The following SOX30 variants were observed in gnomAD, a reference collection of about 807,000 sequenced individuals.
SOX30 encodes SRY-box transcription factor 30.
A neutral mutation model predicts 58.6 loss-of-function variants in SOX30; 17 were observed. That is an observed-to-expected ratio of 0.29 (90% CI 0.20 to 0.44). The LOEUF (loss-of-function observed/expected upper bound fraction) is 0.44, where lower values mean the gene tolerates loss of function less well. SOX30 is among the 20% of genes least tolerant of loss of function. The pLI is 1.00. For missense variants in SOX30, 951 were observed against 965.8 expected (o/e 0.98, Z 0.20); for synonymous variants, 421 against 400.2 (o/e 1.05, Z -0.62).
chr5:157,631,285 T>C (rs1426039004), intron 4 of SOX30, among the ~76,000 whole-genome samples: 2 of 151,502 alleles, frequency 1.3e-5, no homozygotes, highest in Non-Finnish European at 2.9e-5. Flanking sequence ...TAAAAATAGT[T>C]TTCACCACTT....
At position 157,652,052 on chromosome 5, in the gene SOX30, C is replaced by A; in HGVS notation, c.27G>T (p.Pro9=). The A allele has an allele frequency of 1.4e-6, 2 of 1,421,174 alleles. No homozygotes were observed. Among genetic ancestry groups the A allele is most frequent in the Non-Finnish European group, 1.8e-6 (2 of 1,096,114 alleles). 88.0% of individuals were successfully genotyped at this position (1,421,174 alleles called of 1,614,324 possible). ...CGGGACGCAACGGGCGCGGCTGAGGCGGCGGCTCGGGTCTGGCTCTCTCCA... is the reference window on the plus strand; with the variant it reads ...CGGGACGCAACGGGCGCGGCTGAGGAGGCGGCTCGGGTCTGGCTCTCTCCA... MERARPEP[P]PQPRPLRPAP... Residue 9 remains proline (P), a synonymous_variant, in exon 1 of 5, where the codon CCG becomes CCT. Transcript: ENST00000265007.
At chr5:157,629,692 A>G (rs906422013) in intron 4 of SOX30, among the ~76,000 whole-genome samples, 1 of 152,244 alleles carries the variant, frequency 6.6e-6, no homozygotes, top group East Asian at 1.9e-4. Context: ...CAAGGAGTGT[A>G]TATGTTATTT....
In SOX30 at chr5:157,638,218, A is replaced by G; in HGVS notation, c.1880+12T>C. ...GAATGTTTAGGTAAAAGGAAAAAAA[A>G]TGTTAATTTACCTTGATGGGAAGTA... On this transcript the variant is annotated intron_variant, in intron 4 of 4. Coordinates refer to ENST00000265007, the MANE Select transcript of SOX30 (RefSeq NM_178424.2). 1 of 1,508,046 alleles carries G rather than the reference A, an allele frequency of 6.6e-7. No individual in the cohort carries two copies. The highest frequency in any genetic ancestry group is 8.9e-7 in the Non-Finnish European group (1 of 1,128,302). The allele number at this position is 1,508,046 out of a possible 1,614,324, so 93.4% of individuals were successfully genotyped here. A position where few individuals can be genotyped will look rare whatever the true frequency, so the allele number is the denominator to read the frequency against.
At chr5:157,647,781 G>T (rs1015176165) in intron 2 of SOX30, among the ~76,000 whole-genome samples, 5 of 151,294 alleles carry the variant, frequency 3.3e-5, no homozygotes, top group Non-Finnish European at 7.4e-5. Context: ...GGATGGTCTT[G>T]ATCTCCTGAC....
At chr5:157,642,669 TAACAACAAC>T (rs555046481) in intron 3 of SOX30, among the ~76,000 whole-genome samples, 1 of 151,534 alleles carries the variant, frequency 6.6e-6, no homozygotes, top group Non-Finnish European at 1.5e-5. Context: ...ATAACAAAAA[TAACAACAAC>T]AACAACAACA....
chr5:157,644,930 G>A (rs1278000357), intron 3 of SOX30, among the ~76,000 whole-genome samples: 1 of 152,166 alleles, frequency 6.6e-6, no homozygotes, highest in African/African-American at 2.4e-5. Flanking sequence ...GCAGTGAGCC[G>A]AGATCGCGCC....
chr5:157,651,494 C>A lies in SOX30; in HGVS notation c.585G>T (p.Ser195=). Residue 195 remains serine, a synonymous_variant, in exon 1 of 5, where the codon TCG becomes TCT. Coordinates refer to ENST00000265007, the MANE Select transcript of SOX30 (RefSeq NM_178424.2). ...GGCTTTTGCCTGCCCCGCCTTGCAT[C>A]GAGTCTCTCATGACCTCCTCCGCCT... The part of the protein sequence containing the change: ...KLEAEEVMRD[S]MQGGAGKSPA... 6.2e-7 allele frequency: 1 copy of A among 1,613,416 alleles called. No individual in the cohort carries two copies. The highest frequency in any genetic ancestry group is 8.5e-7 in the Non-Finnish European group (1 of 1,180,004).
chr5:157,654,828 T>A (rs1759440550), upstream of SOX30, among the ~76,000 whole-genome samples: 2 of 152,194 alleles, frequency 1.3e-5, no homozygotes, highest in African/African-American at 2.4e-5. Flanking sequence ...CACTGCAATG[T>A]CAGGAAGTTA....
upstream of SOX30, among the ~76,000 whole-genome samples, chr5:157,656,735 T>C (rs113459575): frequency 6.6e-6 from 1 of 152,250 alleles, no homozygotes; most frequent in East Asian, 1.9e-4. Flanking sequence ...TCATTAGAAG[T>C]CATGAGAATG....
chr5:157,665,600 AAAAAT>A (rs367549924), intron 2 of SOX30, among the ~76,000 whole-genome samples: 13,889 of 148,986 alleles, frequency 0.093, 770 homozygotes, highest in African/African-American at 0.14. Context: ...AAGTATAATA[AAAAAT>A]AAAATAAAAT....
In SOX30 at chr5:157,626,634, G is replaced by C. The variant is rs1200576572; in HGVS notation, c.1968C>G (p.Tyr656Ter). Residue 656 changes from tyrosine (Y) to a stop codon, truncating the protein, a stop_gained, in exon 5 of 5, where the codon TAC becomes TAG. Coordinates refer to ENST00000265007, the MANE Select transcript of SOX30 (RefSeq NM_178424.2). LOFTEE classifies it high-confidence loss of function. ...PECLSYYEDR[Y>*]PKHEGIFSTL... ...TTGAAAAGATACCCTCATGTTTTGG[G>C]TACCTGTCTTCATAATAACTAAGGC... The C allele has an allele frequency of 6.2e-7, 1 of 1,614,078 alleles. No homozygotes were observed. The highest frequency in any genetic ancestry group is 8.5e-7 in the Non-Finnish European group (1 of 1,179,988).
chr5:157,659,668 A>T (rs1455936495), intron 2 of SOX30, among the ~76,000 whole-genome samples: 1 of 152,238 alleles, frequency 6.6e-6, no homozygotes, highest in Non-Finnish European at 1.5e-5. Flanking sequence ...AGCCTCAAGA[A>T]GTCCTGACAA....
At chr5:157,647,995 G>C (rs1759237115) in intron 2 of SOX30, among the ~76,000 whole-genome samples, 1 of 152,144 alleles carries the variant, frequency 6.6e-6, no homozygotes, top group South Asian at 2.1e-4. Context: ...TGTGTAATCA[G>C]AACAATCACT....
chr5:157,628,776 G>A (rs564275601), intron 4 of SOX30, among the ~76,000 whole-genome samples: 1 of 151,912 alleles, frequency 6.6e-6, no homozygotes, highest in Admixed American at 6.6e-5. Context: ...CGAGTAGCTA[G>A]GATTACAGGT....
chr5:157,652,850 C>T (rs1336899673), upstream of SOX30, among the ~76,000 whole-genome samples: 1 of 152,166 alleles, frequency 6.6e-6, no homozygotes, highest in African/African-American at 2.4e-5. Context: ...TGCTTGTCAC[C>T]CTTGCCCCAC....
rs765833219 is a variant in SOX30, at chr5:157,626,517, A to G, written c.2085T>C (p.Ser695=). ...SRSCENMNGT[S]YYNSHSHSGE... The stretch of plus-strand genomic sequence containing the variant: ...CACTGTGGCTATGACTGTTATAGTA[A>G]GAAGTTCCATTCATGTTCTCACAAC... The change falls in exon 5 of 5, where the codon TCT becomes TCC. Residue 695 remains serine (S), a synonymous_variant. Coordinates refer to ENST00000265007, the MANE Select transcript of SOX30 (RefSeq NM_178424.2). 24 of 1,614,092 alleles carry G rather than the reference A, an allele frequency of 1.5e-5. No individual in the cohort carries two copies. In the East Asian group the frequency reaches 4.9e-4, roughly 33 times the overall value.
At chr5:157,648,488 C>T (rs1759249219) in intron 2 of SOX30, among the ~76,000 whole-genome samples, 169 bp downstream of exon 2, 1 of 152,134 alleles carries the variant, frequency 6.6e-6, no homozygotes, top group African/African-American at 2.4e-5. Flanking sequence ...TTTAAGGAAA[C>T]TCATGCCCAG....
In SOX30 at chr5:157,626,264, T is replaced by A; in HGVS notation, c.*76A>T. The A allele has an allele frequency of 9.8e-7, 1 of 1,019,222 alleles. No homozygotes were observed. The highest frequency in any genetic ancestry group is 1.3e-6 in the Non-Finnish European group (1 of 757,020). The allele number at this position is 1,019,222 out of a possible 1,614,324, so 63.1% of individuals were successfully genotyped here. A position where few individuals can be genotyped will look rare whatever the true frequency, so the allele number is the denominator to read the frequency against. Reference sequence around the variant, plus strand: ...AAACTTTCAACAAAGAATTCTAGGCTTTTTTTTTTCTCATACCAACTGACC... The same window carrying A: ...AAACTTTCAACAAAGAATTCTAGGCATTTTTTTTTCTCATACCAACTGACC... On this transcript the variant is annotated 3_prime_UTR_variant, in exon 5 of 5. Coordinates refer to ENST00000265007, the MANE Select transcript of SOX30 (RefSeq NM_178424.2).
At position 157,637,711 on chromosome 5, in the gene SOX30, C is replaced by CT. The variant is rs59212698; in HGVS notation, c.1880+518dup. On this transcript the variant is annotated intron_variant, in intron 4 of 4. Coordinates refer to ENST00000265007, the MANE Select transcript of SOX30 (RefSeq NM_178424.2). Reference sequence around the variant, plus strand: ...CAACATTAAAGCCTATATTCTTGTTCTTTTTTTTTTTGAGATGGTCACCCA... The same window carrying CT: ...CAACATTAAAGCCTATATTCTTGTTCTTTTTTTTTTTTGAGATGGTCACCCA... Among the ~76,000 whole-genome samples, 241 of 146,934 alleles carry CT rather than the reference C, an allele frequency of 1.6e-3. 1 individual carries two copies. Among genetic ancestry groups the CT allele is most frequent in the Middle Eastern group, 0.01 (3 of 286 alleles).
Sources: allele counts gnomAD v4.1 joint callset (sites outside exome capture counted in the v4.1 genomes callset), GRCh38; gene constraint gnomAD v4.1.1; transcripts MANE v1.5; gene names NCBI Gene and HGNC (gene_info 2026-07-23, HGNC 2026-07-21).